Variants in STIL observed in about 807,000 individuals in gnomAD.
The protein encoded by STIL is STIL centriolar assembly protein.
STIL carries 55 observed loss-of-function variants against 110.1 expected under a neutral mutation model. That is an observed-to-expected ratio of 0.50 (90% CI 0.40 to 0.63). The LOEUF (loss-of-function observed/expected upper bound fraction) is 0.63, where lower values mean the gene tolerates loss of function less well. Among genes scored for constraint, STIL ranks in the 20% least tolerant of loss-of-function variants. The pLI is 0.00. For missense variants in STIL, 1,358 were observed against 1,530.0 expected, an observed-to-expected ratio of 0.89 and a Z score of 1.87; for synonymous variants, 481 against 530.0, an observed-to-expected ratio of 0.91 and a Z score of 1.27.
intron 14 of STIL, among the ~76,000 whole-genome samples, chr1:47,266,245 G>A (rs543699053): frequency 1.5e-4 from 23 of 152,328 alleles, no homozygotes; most frequent in Non-Finnish European, 3.1e-4. Context: ...GAAGGGACAT[G>A]TTTATTGTCT....
chr1:47,259,327 C>T (rs1570024311), intron 16 of STIL, among the ~76,000 whole-genome samples: 1 of 109,950 alleles, frequency 9.1e-6, no homozygotes, highest in East Asian at 2.8e-4. Context: ...GCTCTGTCGT[C>T]CAGGCTAGAT....
At chr1:47,279,738 A>AAC (rs1350064193) in intron 12 of STIL, among the ~76,000 whole-genome samples, 1 of 151,610 alleles carries the variant, frequency 6.6e-6, no homozygotes, top group African/African-American at 2.4e-5. Flanking sequence ...AAAAAAAAAA[A>AAC]AAAAAAACAA....
chr1:47,310,742 T>G (rs566499409), intron 1 of STIL, among the ~76,000 whole-genome samples: 130 of 152,334 alleles, frequency 8.5e-4, no homozygotes, highest in Admixed American at 2.6e-3. Flanking sequence ...AAAAATGATT[T>G]GGGCTAGATA....
Position 47,279,743 on chromosome 1 carries a change from AAAC to A in STIL, c.2217+495_2217+497del, listed in dbSNP as rs1553175299. 5.9e-5 allele frequency among the ~76,000 whole-genome samples: 9 copies of A among 151,558 alleles called. No homozygotes were observed. In the South Asian group the frequency reaches 1.2e-3, roughly 21 times the overall value. On this transcript the variant is annotated intron_variant, in intron 12 of 16. Transcript: ENST00000371877. ...ACTCCGTCTCAAAAAAAAAAAAAAA[AAAC>A]AACAAAAAACTAAGAACTCTGCAAC...
At chr1:47,270,474 G>T (rs897765763) in intron 13 of STIL, among the ~76,000 whole-genome samples, 1 of 151,776 alleles carries the variant, frequency 6.6e-6, no homozygotes, top group Non-Finnish European at 1.5e-5. Context: ...TTCTGAATAT[G>T]ATCCGTGGGA....
At chr1:47,270,232 A>AT (rs1342344067) in intron 13 of STIL, among the ~76,000 whole-genome samples, 4 of 92,042 alleles carry the variant, frequency 4.3e-5, no homozygotes, top group African/African-American at 1.9e-4. Flanking sequence ...TGGCTCAAAA[A>AT]AAAAAAAAAA....
rs187240189 is a variant in STIL at position 47,287,379 on chromosome 1, A to C, written c.1133+172T>G. Among the ~76,000 whole-genome samples, 11 of 152,340 alleles carry C rather than the reference A, an allele frequency of 7.2e-5. No individual in the cohort carries two copies. In the East Asian group the frequency reaches 1.9e-3, roughly 27 times the overall value. On this transcript the variant is annotated intron_variant, in intron 10 of 16. Transcript: ENST00000371877. ...TTAGAGTTGCCACTTCATTAAAATT[A>C]CTATCCAACTTCCTAGTGAATATGA...
At chr1:47,287,393 T>C (rs566564461) in intron 10 of STIL, among the ~76,000 whole-genome samples, 158 bp downstream of exon 10, 4 of 152,272 alleles carry the variant, frequency 2.6e-5, no homozygotes, top group Non-Finnish European at 5.9e-5. Context: ...TCCAACTTCC[T>C]AGTGAATATG....
In STIL at chr1:47,287,599, G is replaced by C. The variant is rs769738843; in HGVS notation, c.1085C>G (p.Ala362Gly). 1 of 1,612,348 alleles carries C rather than the reference G, an allele frequency of 6.2e-7. No individual in the cohort carries two copies. Among genetic ancestry groups the C allele is most frequent in the African/African-American group, 1.3e-5 (1 of 74,882 alleles). Reference protein sequence around the residue: ...RCELSAESQNAETEFFSKASK... With the variant: ...RCELSAESQNGETEFFSKASK... ...AGCCTTACTGAAAAACTCTGTTTCT[G>C]CATTTTGGCTTTCAGCGCTCAGTTC... Residue 362 changes from alanine to glycine, a missense_variant, in exon 10 of 17, where the codon GCA becomes GGA. Coordinates refer to ENST00000371877, the MANE Select transcript of STIL (RefSeq NM_001048166.1).
chr1:47,273,575 T>C (rs1194992492), intron 12 of STIL, among the ~76,000 whole-genome samples: 2 of 152,242 alleles, frequency 1.3e-5, no homozygotes, highest in East Asian at 1.9e-4. Flanking sequence ...TATGGATATA[T>C]CACATTGTGC....
chr1:47,279,740 A>G (rs558071152), intron 12 of STIL, among the ~76,000 whole-genome samples: 1 of 151,480 alleles, frequency 6.6e-6, no homozygotes, highest in East Asian at 1.9e-4. Flanking sequence ...AAAAAAAAAA[A>G]AAAAACAACA....
chr1:47,273,317 T>C (rs978536768), intron 12 of STIL, among the ~76,000 whole-genome samples: 1 of 152,176 alleles, frequency 6.6e-6, no homozygotes, highest in African/African-American at 2.4e-5. Flanking sequence ...TTCCAGAACA[T>C]TTTCATCAAA....
intron 2 of STIL, 27 bp downstream of exon 2, chr1:47,310,236 AAAAGCTGTAAGAC>A (rs1394925558): frequency 1.9e-6 from 3 of 1,593,300 alleles, no homozygotes; most frequent in Non-Finnish European, 2.6e-6. Flanking sequence ...AAGTTATGTG[AAAAGCTGTAAGAC>A]AAATATTTGT....
At chr1:47,260,803 G>C (rs1352466294) in intron 15 of STIL, among the ~76,000 whole-genome samples, 1 of 152,176 alleles carries the variant, frequency 6.6e-6, no homozygotes, top group Non-Finnish European at 1.5e-5. Flanking sequence ...ACGAGGCTGA[G>C]GCTGCAGTTA....
chr1:47,280,629 C>A lies in STIL; in HGVS notation c.1829G>T (p.Ser610Ile). ...TNVCRCCQHH[S>I]HIQYSPLNSW... ...ATTTAGCGGACTATATTGAATATGA[C>A]TATGATGCTGACAACACCTGCAAAC... The change falls in exon 12 of 17, where the codon AGT becomes ATT. Residue 610 changes from serine (S) to isoleucine (I), a missense_variant. Ser to Ile is a moderately radical substitution (Grantham distance 142). Transcript: ENST00000371877. 1 of 1,614,198 alleles carries A rather than the reference C, an allele frequency of 6.2e-7. No homozygotes were observed. Among genetic ancestry groups the A allele is most frequent in the Non-Finnish European group, 8.5e-7 (1 of 1,180,040 alleles).
chr1:47,299,542 A>C (rs1645741400), intron 6 of STIL, among the ~76,000 whole-genome samples: 3 of 151,658 alleles, frequency 2.0e-5, no homozygotes, highest in African/African-American at 7.3e-5. Context: ...ACAGGCATGC[A>C]CCACCACGCT....
chr1:47,270,670 CTT>C (rs542462270), intron 13 of STIL, among the ~76,000 whole-genome samples: 971 of 94,050 alleles, frequency 0.01, 11 homozygotes, highest in African/African-American at 0.04. Flanking sequence ...GTTTCCCAAT[CTT>C]TTTTTTTTTT....
At position 47,251,782 on chromosome 1, in the gene STIL, T is replaced by C. The variant is rs373791848; in HGVS notation, c.3221A>G (p.Asn1074Ser). ...AGACAGTTGTGACAGCTGATTTTCATTTAAATATTTCAGAGCTATAGCATT... is the reference window on the plus strand; with the variant it reads ...AGACAGTTGTGACAGCTGATTTTCACTTAAATATTTCAGAGCTATAGCATT... ...EANAIALKYL[N>S]ENQLSQLSVT... The change falls in exon 17 of 17, where the codon AAT (asparagine) becomes AGT (serine). Residue 1074 changes from asparagine (N) to serine (S), a missense_variant. Transcript: ENST00000371877. The C allele has an allele frequency of 4.2e-5, 68 of 1,613,362 alleles. No individual in the cohort carries two copies. Among genetic ancestry groups the C allele is most frequent in the African/African-American group, 5.3e-5 (4 of 74,876 alleles).
intron 6 of STIL, among the ~76,000 whole-genome samples, chr1:47,297,905 C>A (rs1222726138): frequency 2.0e-5 from 3 of 152,106 alleles, no homozygotes; most frequent in Admixed American, 2.0e-4. Context: ...TCATGCTATA[C>A]AAGTAAATGG....
Sources: allele counts gnomAD v4.1 joint callset (sites outside exome capture counted in the v4.1 genomes callset), GRCh38; gene constraint gnomAD v4.1.1; transcripts MANE v1.5; gene names NCBI Gene and HGNC (gene_info 2026-07-23, HGNC 2026-07-21).